The following DYNC1I1 variants were observed in gnomAD, a reference collection of about 807,000 sequenced individuals.
DYNC1I1 encodes dynein cytoplasmic 1 intermediate chain 1.
A neutral mutation model predicts 86.6 loss-of-function variants in DYNC1I1; 43 were observed. The observed-to-expected ratio is 0.50, with a 90% CI of 0.39 to 0.64. The LOEUF is 0.64. DYNC1I1 is among the 30% of genes least tolerant of loss of function. The pLI is 0.00. For missense variants in DYNC1I1, 604 were observed against 788.8 expected, an observed-to-expected ratio of 0.77 and a Z score of 2.81; for synonymous variants, 262 against 283.7, an observed-to-expected ratio of 0.92 and a Z score of 0.77.
intron 12 of DYNC1I1, among the ~76,000 whole-genome samples, chr7:96,034,497 TG>T (rs1480671003): frequency 6.6e-6 from 1 of 152,186 alleles, no homozygotes; most frequent in Non-Finnish European, 1.5e-5. Context: ...ATGGCTTCCA[TG>T]GATGGCAGGG....
intron 15 of DYNC1I1, 130 bp downstream of exon 15, chr7:96,076,327 C>A: frequency 7.4e-7 from 1 of 1,343,302 alleles, no homozygotes; most frequent in Non-Finnish European, 9.9e-7. Flanking sequence ...GGGCTGCCGG[C>A]CCCCATTCTT....
intron 10 of DYNC1I1, among the ~76,000 whole-genome samples, chr7:96,027,840 T>G (rs530523851): frequency 7.1e-4 from 108 of 152,266 alleles, no homozygotes; most frequent in African/African-American, 2.4e-3. Flanking sequence ...CTGTTGCAAT[T>G]CTATGTGACA....
chr7:96,079,005 CG>C (rs1562996936), intron 15 of DYNC1I1, among the ~76,000 whole-genome samples: 1 of 150,626 alleles, frequency 6.6e-6, no homozygotes, highest in African/African-American at 2.4e-5. Flanking sequence ...ATAAATGAGC[CG>C]GGGACTTTTG....
intron 5 of DYNC1I1, among the ~76,000 whole-genome samples, chr7:95,847,279 G>C (rs1006769850): frequency 6.6e-6 from 1 of 151,990 alleles, no homozygotes; most frequent in Non-Finnish European, 1.5e-5. Flanking sequence ...CGTCACCCTG[G>C]ACCAAATCTC....
At chr7:95,925,191 A>G (rs1401065413) in intron 6 of DYNC1I1, among the ~76,000 whole-genome samples, 1 of 152,132 alleles carries the variant, frequency 6.6e-6, no homozygotes, top group Non-Finnish European at 1.5e-5. Context: ...GTAAGTGGGG[A>G]CAAGACTTGC....
intron 5 of DYNC1I1, among the ~76,000 whole-genome samples, chr7:95,838,349 G>T (rs1214200897): frequency 2.6e-5 from 4 of 152,154 alleles, no homozygotes; most frequent in Non-Finnish European, 5.9e-5. Flanking sequence ...TTAGTTGACT[G>T]TAGATGTGTG....
intron 6 of DYNC1I1, among the ~76,000 whole-genome samples, chr7:95,873,513 A>G (rs1410430641): frequency 6.6e-6 from 1 of 152,236 alleles, no homozygotes; most frequent in Non-Finnish European, 1.5e-5. Flanking sequence ...TTTGGAGTTT[A>G]CCAGATGACT....
Position 96,035,859 on chromosome 7 carries a change from A to G in DYNC1I1, c.1364+107A>G, listed in dbSNP as rs1794916322. ...CATTATGAGAAAGCATCTCTGGAAA[A>G]ATGGAAAGCACGACTTCAACTCTTC... On this transcript the variant is annotated intron_variant, in intron 13 of 16. Transcript: ENST00000447467. 7 of 1,543,228 alleles carry G rather than the reference A, an allele frequency of 4.5e-6. No homozygotes were observed. In the South Asian group the frequency reaches 4.8e-5, roughly 11 times the overall value.
intron 8 of DYNC1I1, 126 bp downstream of exon 8, chr7:95,985,103 C>A (rs1793553518): frequency 1.5e-6 from 2 of 1,317,266 alleles, no homozygotes; most frequent in Non-Finnish European, 2.1e-6. Flanking sequence ...TGGAATTGAT[C>A]TTGCTGAACA....
chr7:96,085,334 T>C (rs959576267), intron 16 of DYNC1I1, among the ~76,000 whole-genome samples: 1 of 152,178 alleles, frequency 6.6e-6, no homozygotes, highest in Admixed American at 6.5e-5. Flanking sequence ...ATGAGCTCAC[T>C]GAAATCACCA....
intron 2 of DYNC1I1, among the ~76,000 whole-genome samples, chr7:95,807,490 T>C (rs965818776): frequency 1.3e-5 from 2 of 152,134 alleles, no homozygotes; most frequent in African/African-American, 4.8e-5. Context: ...TGGACAGGCA[T>C]AGCAGGACTC....
chr7:96,097,813 C>A lies in DYNC1I1; in HGVS notation c.*220C>A. The A allele has an allele frequency of 7.9e-7, 1 of 1,273,030 alleles. No individual in the cohort carries two copies. Among genetic ancestry groups the A allele is most frequent in the Non-Finnish European group, 9.9e-7 (1 of 1,005,568 alleles). The allele number at this position is 1,273,030 out of a possible 1,614,324, so 78.9% of individuals were successfully genotyped here. On this transcript the variant is annotated 3_prime_UTR_variant, in exon 17 of 17. Transcript: ENST00000447467. ...AGCATTTCTATCTTTATATTTCTGT[C>A]TCAAAAATGAAGAGAAGGGGGTTAT...
rs531658176 is a variant in DYNC1I1, at chr7:95,798,005, A to G, written c.-9-6716A>G. 7.0e-4 allele frequency among the ~76,000 whole-genome samples: 106 copies of G among 152,230 alleles called. 1 individual carries two copies. The highest frequency in any genetic ancestry group is 1.1e-3 in the Non-Finnish European group (76 of 68,008). ...CACAAAATGTTAATAAATAACATGT[A>G]TGTTGTTATTTTAAAATAATTAAAT... On this transcript the variant is annotated intron_variant, in intron 1 of 16. Coordinates refer to ENST00000447467, the MANE Select transcript of DYNC1I1 (RefSeq NM_001135556.2).
rs577678791 is a variant in DYNC1I1 at position 95,934,998 on chromosome 7, A to G, written c.491-42514A>G. On this transcript the variant is annotated intron_variant, in intron 6 of 16. Coordinates refer to ENST00000447467, the MANE Select transcript of DYNC1I1 (RefSeq NM_001135556.2). ...TGTCTGTGTTAGAAACACTTAACAT[A>G]AGATCTACTCTCCCAACAAAAATTT... 2.0e-4 allele frequency among the ~76,000 whole-genome samples: 31 copies of G among 151,342 alleles called. No homozygotes were observed. The South Asian group carries it at 6.5e-3, about 32-fold the overall frequency.
At position 95,936,223 on chromosome 7, in the gene DYNC1I1, A is replaced by G. The variant is rs776700977; in HGVS notation, c.491-41289A>G. ...ATTTGTCATATAAAATAAAGAACTCATAAGAGTTCAATTATATACATGGCT... is the reference window on the plus strand; with the variant it reads ...ATTTGTCATATAAAATAAAGAACTCGTAAGAGTTCAATTATATACATGGCT... On this transcript the variant is annotated intron_variant, in intron 6 of 16. Transcript: ENST00000447467. Among the ~76,000 whole-genome samples the G allele has an allele frequency of 6.3e-4, 96 of 152,202 alleles. 1 individual carries two copies. The highest frequency in any genetic ancestry group is 4.0e-3 in the Admixed American group (61 of 15,282).
At chr7:96,031,896 C>T (rs1176894142) in intron 11 of DYNC1I1, among the ~76,000 whole-genome samples, 1 of 152,060 alleles carries the variant, frequency 6.6e-6, no homozygotes, top group African/African-American at 2.4e-5. Flanking sequence ...TTTTAGCCTA[C>T]CGTTTAGAAT....
chr7:95,905,152 A>C (rs899522960), intron 6 of DYNC1I1, among the ~76,000 whole-genome samples: 5 of 152,198 alleles, frequency 3.3e-5, no homozygotes, highest in Non-Finnish European at 7.3e-5. Context: ...TACCTGTTGG[A>C]ATGCCAATTG....
At chr7:95,986,955 C>T in intron 8 of DYNC1I1, 101 bp from the exon 9 acceptor site, 2 of 1,003,596 alleles carry the variant, frequency 2.0e-6, no homozygotes, top group Non-Finnish European at 3.1e-6. Context: ...ATTTTGGCCT[C>T]AGAGAGTATT....
At chr7:95,826,994 T>C (rs1795216080) in intron 4 of DYNC1I1, among the ~76,000 whole-genome samples, 1 of 152,134 alleles carries the variant, frequency 6.6e-6, no homozygotes, top group Non-Finnish European at 1.5e-5. Context: ...TGCCCATGGA[T>C]CACCTGGGGA....
Sources: allele counts gnomAD v4.1 joint callset (sites outside exome capture counted in the v4.1 genomes callset), GRCh38; gene constraint gnomAD v4.1.1; transcripts MANE v1.5; gene names NCBI Gene and HGNC (gene_info 2026-07-23, HGNC 2026-07-21).